KIAA1328: variants seen among roughly 807,000 people sequenced by gnomAD.
KIAA1328 encodes the protein protein hinderin.
A neutral mutation model predicts 68.1 loss-of-function variants in KIAA1328; 52 were observed. That is an observed-to-expected ratio of 0.76 (90% CI 0.61 to 0.96). The LOEUF is 0.96. Among genes scored for constraint, KIAA1328 ranks in the 40% least tolerant of loss-of-function variants. The pLI is 0.00. For synonymous variants in KIAA1328, 232 were observed against 239.4 expected (o/e 0.97, Z 0.28); for missense variants, 641 against 677.6 (o/e 0.95, Z 0.60).
At position 37,193,605 on chromosome 18, in the gene KIAA1328, C is replaced by T. The variant is rs771608475; in HGVS notation, c.1523+20524C>T. 8 of 702,560 alleles carry T rather than the reference C, an allele frequency of 1.1e-5. No homozygotes were observed. The East Asian group carries it at 2.1e-4, about 19-fold the overall frequency. 43.5% of individuals were successfully genotyped at this position (702,560 alleles called of 1,614,324 possible). Reference sequence around the variant, plus strand: ...TTTATTCCTAGCCCAGGAATCTCCACAAAGATCTGCTTCCTTTCAAATCAT... The same window carrying T: ...TTTATTCCTAGCCCAGGAATCTCCATAAAGATCTGCTTCCTTTCAAATCAT... On this transcript the variant is annotated intron_variant, in intron 9 of 9. Coordinates refer to ENST00000280020, the MANE Select transcript of KIAA1328 (RefSeq NM_020776.3).
chr18:37,209,616 G>A (rs1458645250), intron 9 of KIAA1328, among the ~76,000 whole-genome samples: 1 of 152,172 alleles, frequency 6.6e-6, no homozygotes. Context: ...TTGTTGAATG[G>A]AGAGAGCAAG....
chr18:37,168,356 T>C (rs1483788454), intron 8 of KIAA1328, among the ~76,000 whole-genome samples: 3 of 152,216 alleles, frequency 2.0e-5, no homozygotes, highest in Non-Finnish European at 2.9e-5. Flanking sequence ...GGGAATATAA[T>C]CTAGCTGTGT....
intron 3 of KIAA1328, among the ~76,000 whole-genome samples, chr18:36,840,662 A>G (rs935330331): frequency 6.6e-6 from 1 of 152,084 alleles, no homozygotes; most frequent in Admixed American, 6.5e-5. Context: ...TATGTTGACC[A>G]GGCTGGTCTT....
At chr18:37,179,844 G>A (rs1331140064) in intron 9 of KIAA1328, among the ~76,000 whole-genome samples, 1 of 152,058 alleles carries the variant, frequency 6.6e-6, no homozygotes, top group Admixed American at 6.6e-5. Flanking sequence ...GCCACAAAGA[G>A]GATGTTACTC....
chr18:36,885,552 T>C lies in KIAA1328; in HGVS notation c.333-5T>C. The C allele has an allele frequency of 6.7e-7, 1 of 1,496,664 alleles. No individual in the cohort carries two copies. 92.7% of individuals were successfully genotyped at this position (1,496,664 alleles called of 1,614,324 possible). A position where few individuals can be genotyped will look rare whatever the true frequency, so the allele number is the denominator to read the frequency against. On this transcript the variant is annotated splice_polypyrimidine_tract_variant and splice_region_variant and intron_variant, in intron 4 of 9. Transcript: ENST00000280020. ...ATGTTAAAGGTTTTTTTTTTTTTAT[T>C]TCAGAGTAAGTGAGGAAAAGGAAGT... is the stretch of plus-strand genomic sequence containing the variant.
intron 5 of KIAA1328, among the ~76,000 whole-genome samples, chr18:36,916,968 T>C (rs1055670357): frequency 1.3e-5 from 2 of 151,602 alleles, no homozygotes; most frequent in Non-Finnish European, 2.9e-5. Flanking sequence ...AGGTCCACTA[T>C]TAAAAACAAA....
intron 9 of KIAA1328, among the ~76,000 whole-genome samples, chr18:37,204,236 A>G (rs1054413777): frequency 1.3e-5 from 2 of 152,230 alleles, no homozygotes; most frequent in African/African-American, 4.8e-5. Context: ...AACCTGTCAA[A>G]CCAGTAGACT....
intron 1 of KIAA1328, 54 bp downstream of exon 1, chr18:36,829,250 G>T: frequency 6.8e-7 from 1 of 1,466,204 alleles, no homozygotes. Flanking sequence ...GGACGGCGAG[G>T]GGCGAGCCGT....
intron 7 of KIAA1328, among the ~76,000 whole-genome samples, chr18:37,089,168 G>C (rs570722618): frequency 3.2e-4 from 49 of 152,094 alleles, no homozygotes; most frequent in Middle Eastern, 3.4e-3. Flanking sequence ...GTATATGTGT[G>C]TATGTGTGTG....
In KIAA1328 at chr18:37,012,333, T is replaced by C. The variant is rs1005292181; in HGVS notation, c.576+52898T>C. 3.3e-5 allele frequency among the ~76,000 whole-genome samples: 5 copies of C among 152,290 alleles called. No homozygotes were observed. The South Asian group carries it at 1.0e-3, about 32-fold the overall frequency. On this transcript the variant is annotated intron_variant, in intron 6 of 9. Coordinates refer to ENST00000280020, the MANE Select transcript of KIAA1328 (RefSeq NM_020776.3). ...CAGATCGACCAACAAGTCATTGGTG[T>C]TTCTGCTGCTTCCACAACTGCTTCT...
intron 5 of KIAA1328, among the ~76,000 whole-genome samples, chr18:36,903,935 T>C (rs1438526472): frequency 6.6e-6 from 1 of 152,156 alleles, no homozygotes. Context: ...TGCTTAGGCC[T>C]CATGCCAGAC....
chr18:36,866,565 ATTATAT>A (rs1280125674), intron 4 of KIAA1328, among the ~76,000 whole-genome samples: 3 of 152,234 alleles, frequency 2.0e-5, no homozygotes, highest in Admixed American at 1.3e-4. Flanking sequence ...GAACAAACAC[ATTATAT>A]TTATATACTT....
chr18:37,023,767 G>A (rs1339208774), intron 6 of KIAA1328, among the ~76,000 whole-genome samples: 1 of 152,084 alleles, frequency 6.6e-6, no homozygotes, highest in Admixed American at 6.5e-5. Context: ...CCCCATGACA[G>A]TTGAACATCA....
intron 6 of KIAA1328, among the ~76,000 whole-genome samples, chr18:36,978,582 T>A (rs2052563166): frequency 6.6e-6 from 1 of 152,224 alleles, no homozygotes; most frequent in Non-Finnish European, 1.5e-5. Flanking sequence ...TTTTTAACTT[T>A]CTTTATATCT....
intron 6 of KIAA1328, among the ~76,000 whole-genome samples, chr18:37,045,628 A>G (rs889420768): frequency 1.3e-5 from 2 of 152,196 alleles, no homozygotes; most frequent in Non-Finnish European, 2.9e-5. Flanking sequence ...ATAATCCTCA[A>G]TGCAGATTCC....
chr18:37,098,984 G>A (rs183516851), intron 7 of KIAA1328, among the ~76,000 whole-genome samples: 1 of 151,850 alleles, frequency 6.6e-6, no homozygotes, highest in Non-Finnish European at 1.5e-5. Context: ...TATTAGTCTT[G>A]CTTGTGGTCT....
At chr18:37,032,508 T>C (rs2054870436) in intron 6 of KIAA1328, among the ~76,000 whole-genome samples, 1 of 152,282 alleles carries the variant, frequency 6.6e-6, no homozygotes, top group East Asian at 1.9e-4. Context: ...CTGGAATAAC[T>C]TTTTTCATCT....
chr18:36,834,463 G>C (rs1437593268), intron 2 of KIAA1328, 108 bp downstream of exon 2: 2 of 908,810 alleles, frequency 2.2e-6, no homozygotes, highest in Non-Finnish European at 3.1e-6. Flanking sequence ...TGAATGCAGA[G>C]CAGTACATCA....
chr18:36,991,921 G>A (rs1268477093), intron 6 of KIAA1328, among the ~76,000 whole-genome samples: 2 of 152,206 alleles, frequency 1.3e-5, no homozygotes, highest in Non-Finnish European at 2.9e-5. Context: ...AGCCAGAAGG[G>A]ACTACTGGGA....
Sources: gnomAD v4.1 joint callset for allele counts (sites outside exome capture counted in the v4.1 genomes callset) on GRCh38, gnomAD v4.1.1 for gene constraint, MANE v1.5 for transcripts, NCBI Gene and HGNC (gene_info 2026-07-23, HGNC 2026-07-21) for gene names.